The following VPS37C variants were observed in gnomAD, a reference collection of about 807,000 sequenced individuals.
VPS37C encodes the protein VPS37C subunit of ESCRT-I, also known as vacuolar protein sorting-associated protein 37C.
Under a neutral mutation model 16.1 loss-of-function variants are expected in VPS37C, and 9 were observed. The ratio of observed to expected loss-of-function variants is 0.56; its 90% CI spans 0.34 to 0.97. The LOEUF (loss-of-function observed/expected upper bound fraction) is 0.97, where lower values mean the gene tolerates loss of function less well. Among genes scored for constraint, VPS37C ranks in the 50% least tolerant of loss-of-function variants. VPS37C has a pLI of 0.02. For missense variants in VPS37C, 479 were observed against 472.7 expected (o/e 1.01, Z -0.12); for synonymous variants, 207 against 206.4 (o/e 1.00, Z -0.02).
chr11:61,151,557 G>C (rs541200923), intron 1 of VPS37C, among the ~76,000 whole-genome samples: 2 of 152,188 alleles, frequency 1.3e-5, no homozygotes, highest in South Asian at 2.1e-4. Context: ...TTTGTAAGGA[G>C]GAATTGAGTT....
At chr11:61,160,738 G>T (rs755555479) in intron 1 of VPS37C, among the ~76,000 whole-genome samples, 1 of 152,178 alleles carries the variant, frequency 6.6e-6, no homozygotes, top group Non-Finnish European at 1.5e-5. Flanking sequence ...TCGCCTCATC[G>T]GCTGAGGAGG....
At chr11:61,142,284 T>A (rs1424443535) in intron 1 of VPS37C, among the ~76,000 whole-genome samples, 2 of 152,164 alleles carry the variant, frequency 1.3e-5, no homozygotes, top group Non-Finnish European at 2.9e-5. Context: ...CAGGCTAGAG[T>A]GCAATGGCAT....
intron 3 of VPS37C, 29 bp from the exon 4 acceptor site, chr11:61,133,366 T>G: frequency 6.2e-7 from 1 of 1,609,868 alleles, no homozygotes; most frequent in Non-Finnish European, 8.5e-7. Context: ...CGACTGACAT[T>G]TGAAAAGTGC....
At chr11:61,135,056 A>G (rs1276141997) in intron 2 of VPS37C, among the ~76,000 whole-genome samples, 1 of 152,166 alleles carries the variant, frequency 6.6e-6, no homozygotes, top group Non-Finnish European at 1.5e-5. Context: ...GCACCAGAAG[A>G]GAGGCCTCGG....
Position 61,131,099 on chromosome 11 carries a change from G to C in VPS37C, c.*721C>G, listed in dbSNP as rs979217062. ...AGAGCTGCCCGCTTCCCTCTGGCCA[G>C]AGGGCCCAAGGCAGCCCCCTGGGTT... On this transcript the variant is annotated 3_prime_UTR_variant, in exon 5 of 5. Coordinates refer to ENST00000301765, the MANE Select transcript of VPS37C (RefSeq NM_017966.5). 4 of 257,418 alleles carry C rather than the reference G, an allele frequency of 1.6e-5. No individual in the cohort carries two copies. Among genetic ancestry groups the C allele is most frequent in the African/African-American group, 9.5e-5 (4 of 42,066 alleles). The allele number at this position is 257,418 out of a possible 1,614,324, so 15.9% of individuals were successfully genotyped here. A position where few individuals can be genotyped will look rare whatever the true frequency, so the allele number is the denominator to read the frequency against.
Position 61,151,103 on chromosome 11 carries a change from G to A in VPS37C, c.-7+10288C>T, listed in dbSNP as rs1322819659. On this transcript the variant is annotated intron_variant, in intron 1 of 4. Transcript: ENST00000301765. Reference sequence around the variant, plus strand: ...CAGAGCCTGAACTGCAACAGAGCCCGTCCAGCTTCACGGCCCACGCGCCTC... The same window carrying A: ...CAGAGCCTGAACTGCAACAGAGCCCATCCAGCTTCACGGCCCACGCGCCTC... 3.3e-5 allele frequency among the ~76,000 whole-genome samples: 5 copies of A among 152,152 alleles called. No homozygotes were observed. The South Asian group carries it at 8.3e-4, about 25-fold the overall frequency.
chr11:61,131,989 G>T lies in VPS37C; in HGVS notation c.899C>A (p.Ser300Tyr). ...RAPSPGYPQQ[S>Y]PYPATGGKPP... ...TTTTCCTCCTGTTGCGGGGTATGGG[G>T]ACTGTTGAGGATAACCAGGACTGGG... Residue 300 changes from serine (S) to tyrosine (Y), a missense_variant, in exon 5 of 5, where the codon TCC becomes TAC. Physicochemically the swap from Ser to Tyr is moderately radical, Grantham distance 144. Coordinates refer to ENST00000301765, the MANE Select transcript of VPS37C (RefSeq NM_017966.5). 1 of 1,353,168 alleles carries T rather than the reference G, an allele frequency of 7.4e-7. No homozygotes were observed. The highest frequency in any genetic ancestry group is 9.5e-7 in the Non-Finnish European group (1 of 1,047,862). 83.8% of individuals were successfully genotyped at this position (1,353,168 alleles called of 1,614,324 possible).
At chr11:61,138,870 C>T (rs765750381) in intron 1 of VPS37C, 35 bp from the exon 2 acceptor site, 1 of 1,602,146 alleles carries the variant, frequency 6.2e-7, no homozygotes, top group Non-Finnish European at 8.6e-7. Flanking sequence ...AACGAACAGG[C>T]AGCCCAAGAC....
At chr11:61,160,077 C>T (rs1291209681) in intron 1 of VPS37C, among the ~76,000 whole-genome samples, 2 of 152,154 alleles carry the variant, frequency 1.3e-5, no homozygotes, top group Non-Finnish European at 1.5e-5. Context: ...CAGTGCCCAG[C>T]ATATGAAGCC....
chr11:61,154,884 C>T (rs1039161866), intron 1 of VPS37C, among the ~76,000 whole-genome samples: 1 of 152,104 alleles, frequency 6.6e-6, no homozygotes, highest in Admixed American at 6.6e-5. Context: ...GTGGGAGGAT[C>T]GCTTGAGCCC....
At chr11:61,148,319 T>C (rs1853247397) in intron 1 of VPS37C, among the ~76,000 whole-genome samples, 1 of 152,166 alleles carries the variant, frequency 6.6e-6, no homozygotes. Context: ...TTCTTACAAA[T>C]TCCCCACATC....
In VPS37C at chr11:61,131,569, A is replaced by C; in HGVS notation, c.*251T>G. On this transcript the variant is annotated 3_prime_UTR_variant, in exon 5 of 5. Transcript: ENST00000301765. Reference sequence around the variant, plus strand: ...ACACCGGCGAGAGGTGCTGGACTCCAGCCTGGCTAGCACCGCTGCAGCCAG... The same window carrying C: ...ACACCGGCGAGAGGTGCTGGACTCCCGCCTGGCTAGCACCGCTGCAGCCAG... The C allele has an allele frequency of 2.3e-6, 1 of 429,480 alleles. No individual in the cohort carries two copies. Among genetic ancestry groups the C allele is most frequent in the Non-Finnish European group, 3.9e-6 (1 of 257,538 alleles). The allele number at this position is 429,480 out of a possible 1,614,324, so 26.6% of individuals were successfully genotyped here.
At chr11:61,150,444 G>C (rs1022673108) in intron 1 of VPS37C, among the ~76,000 whole-genome samples, 1 of 151,938 alleles carries the variant, frequency 6.6e-6, no homozygotes, top group Non-Finnish European at 1.5e-5. Flanking sequence ...TCAATGGGTG[G>C]CGGCGGGAGG....
chr11:61,151,089 C>A (rs1230454307), intron 1 of VPS37C, among the ~76,000 whole-genome samples: 1 of 152,242 alleles, frequency 6.6e-6, no homozygotes, highest in African/African-American at 2.4e-5. Flanking sequence ...AGAGCCTGAA[C>A]TGCAACAGAG....
At chr11:61,135,759 A>C (rs943764228) in intron 2 of VPS37C, among the ~76,000 whole-genome samples, 2 of 152,284 alleles carry the variant, frequency 1.3e-5, no homozygotes, top group Middle Eastern at 6.8e-3. Context: ...CTTTACTTAC[A>C]TGGCTGACCC....
chr11:61,139,469 T>C (rs543733451), intron 1 of VPS37C, among the ~76,000 whole-genome samples: 2 of 151,800 alleles, frequency 1.3e-5, no homozygotes, highest in Non-Finnish European at 2.9e-5. Context: ...ATCAGCCATT[T>C]GGCCTAGCAG....
chr11:61,136,941 G>A (rs1353662884), intron 2 of VPS37C, among the ~76,000 whole-genome samples: 1 of 152,094 alleles, frequency 6.6e-6, no homozygotes, highest in Non-Finnish European at 1.5e-5. Context: ...TTCAGGAGGT[G>A]GAGGCTGCAG....
intron 2 of VPS37C, 32 bp downstream of exon 2, chr11:61,138,705 C>A (rs757585069): frequency 2.5e-6 from 4 of 1,607,506 alleles, no homozygotes; most frequent in Non-Finnish European, 3.4e-6. Context: ...ATCTGCTGGC[C>A]TCTGTTGGGT....
rs1227706500 is a variant in VPS37C at position 61,132,223 on chromosome 11, G to T, written c.665C>A (p.Ala222Asp). 3 of 1,509,620 alleles carry T rather than the reference G, an allele frequency of 2.0e-6. No homozygotes were observed. The highest frequency in any genetic ancestry group is 2.3e-5 in the East Asian group (1 of 42,984). The allele number at this position is 1,509,620 out of a possible 1,614,324, so 93.5% of individuals were successfully genotyped here. Residue 222 changes from alanine to aspartate, a missense_variant, in exon 5 of 5, where the codon GCC becomes GAC. Coordinates refer to ENST00000301765, the MANE Select transcript of VPS37C (RefSeq NM_017966.5). Reference protein sequence around the residue: ...SLPVGPTAHGALPPAPFPVVS... With the variant: ...SLPVGPTAHGDLPPAPFPVVS... ...TACTGGGAAAGGGGCCGGTGGCAGGGCTCCATGGGCAGTGGGGCCCACAGG... is the reference window on the plus strand; with the variant it reads ...TACTGGGAAAGGGGCCGGTGGCAGGTCTCCATGGGCAGTGGGGCCCACAGG...
Sources: allele counts gnomAD v4.1 joint callset (sites outside exome capture counted in the v4.1 genomes callset), GRCh38; gene constraint gnomAD v4.1.1; transcripts MANE v1.5; gene names NCBI Gene and HGNC (gene_info 2026-07-23, HGNC 2026-07-21).